The following MAP3K11 variants were observed in gnomAD, a reference collection of about 807,000 sequenced individuals.
The protein encoded by MAP3K11 is SH3 domain-containing proline-rich kinase.
MAP3K11 carries 46 observed loss-of-function variants against 84.9 expected under a neutral mutation model. That is an observed-to-expected ratio of 0.54 (90% CI 0.43 to 0.69). The LOEUF (loss-of-function observed/expected upper bound fraction) is 0.69, where lower values mean the gene tolerates loss of function less well. MAP3K11 is among the 30% of genes least tolerant of loss of function. The pLI, the probability that MAP3K11 is intolerant of heterozygous loss-of-function variation, is 0.00. For synonymous variants in MAP3K11, 527 were observed against 514.7 expected, an observed-to-expected ratio of 1.02 and a Z score of -0.32; for missense variants, 1,053 against 1,198.3, an observed-to-expected ratio of 0.88 and a Z score of 1.79.
chr11:65,607,505 C>T lies in MAP3K11; in HGVS notation c.1254G>A (p.Leu418=), dbSNP rs535233157. 3 of 1,572,228 alleles carry T rather than the reference C, an allele frequency of 1.9e-6. No individual in the cohort carries two copies. Among genetic ancestry groups the T allele is most frequent in the South Asian group, 2.3e-5 (2 of 87,232 alleles). The part of the protein sequence containing the change: ...DELRAKEKEL[L]SREEELTRAA... ...CTCGCGTCAGCTCCTCCTCGCGGCTCAGTAGTTCCTGCGCCCGAGACAGCG... is the reference window on the plus strand; with the variant it reads ...CTCGCGTCAGCTCCTCCTCGCGGCTTAGTAGTTCCTGCGCCCGAGACAGCG... The change falls in exon 5 of 10, where the codon CTG becomes CTA. Residue 418 remains leucine (L), a synonymous_variant. Coordinates refer to ENST00000309100, the MANE Select transcript of MAP3K11 (RefSeq NM_002419.4).
intron 6 of MAP3K11, 67 bp downstream of exon 6, chr11:65,606,624 G>A: frequency 8.0e-7 from 1 of 1,243,614 alleles, no homozygotes; most frequent in Non-Finnish European, 1.1e-6. Flanking sequence ...CCGCCTCCAA[G>A]AATAAGGTCT....
intron 8 of MAP3K11, among the ~76,000 whole-genome samples, chr11:65,602,363 A>C (rs930055325): frequency 6.6e-6 from 1 of 151,244 alleles, no homozygotes; most frequent in Non-Finnish European, 1.5e-5. Context: ...TACAAAAATT[A>C]GGCCGGGCAT....
intron 2 of MAP3K11, 68 bp downstream of exon 2, chr11:65,608,200 G>T: frequency 6.3e-7 from 1 of 1,591,306 alleles, no homozygotes; most frequent in Non-Finnish European, 8.6e-7. Flanking sequence ...CCCAGCCCTA[G>T]ATTTAGGCAG....
intron 8 of MAP3K11, among the ~76,000 whole-genome samples, chr11:65,605,035 A>C (rs1055402445): frequency 2.1e-4 from 32 of 152,288 alleles, no homozygotes; most frequent in African/African-American, 7.5e-4. Flanking sequence ...TTCTGAGCTC[A>C]CTACGAGAGC....
At chr11:65,606,180 G>A (rs1032227883) in intron 6 of MAP3K11, 99 bp from the exon 7 acceptor site, 38 of 1,364,168 alleles carry the variant, frequency 2.8e-5, no homozygotes, top group South Asian at 1.2e-4. Context: ...GGAGCAGGCT[G>A]GGCCCTGTAC....
intron 8 of MAP3K11, among the ~76,000 whole-genome samples, chr11:65,605,225 G>C (rs1006723047): frequency 6.6e-6 from 1 of 152,138 alleles, no homozygotes; most frequent in African/African-American, 2.4e-5. Context: ...GAACAGAAAG[G>C]CCCCGAGCTA....
Position 65,607,430 on chromosome 11 carries a change from G to T in MAP3K11, c.1329C>A (p.His443Gln). 6.7e-7 allele frequency: 1 copy of T among 1,502,446 alleles called. No individual in the cohort carries two copies. The highest frequency in any genetic ancestry group is 1.3e-5 in the South Asian group (1 of 77,278). The allele number at this position is 1,502,446 out of a possible 1,614,324, so 93.1% of individuals were successfully genotyped here. A position where few individuals can be genotyped will look rare whatever the true frequency, so the allele number is the denominator to read the frequency against. The change falls in exon 5 of 10, where the codon CAC becomes CAA. Residue 443 changes from histidine (H) to glutamine (Q), a missense_variant. Around this residue, in one of 3 missense-constraint regions of MAP3K11, gnomAD observed 310 missense variants for 464.5 expected, o/e 0.67. Transcript: ENST00000309100. ...SQAEQLRRRE[H>Q]LLAQWELEVF... ...CCTCTAGCTCCCACTGGGCCAGCAG[G>T]TGCTCGCGCCGCCGCAGCTGCTCCG... is the stretch of plus-strand genomic sequence containing the variant.
chr11:65,609,335 A>G lies in MAP3K11; in HGVS notation c.740-887T>C, dbSNP rs1854546540. Reference sequence around the variant, plus strand: ...AGCCACTCCCAAAGCAAAGACTCCAAAAGATACCTACCAATGCAGCTGGAA... The same window carrying G: ...AGCCACTCCCAAAGCAAAGACTCCAGAAGATACCTACCAATGCAGCTGGAA... On this transcript the variant is annotated intron_variant, in intron 1 of 9. Coordinates refer to ENST00000309100, the MANE Select transcript of MAP3K11 (RefSeq NM_002419.4). 4 of 152,248 alleles carry G rather than the reference A, an allele frequency of 2.6e-5. No individual in the cohort carries two copies. The South Asian group carries it at 8.3e-4, about 31-fold the overall frequency. The allele number at this position is 152,248 out of a possible 1,614,324, so 9.4% of individuals were successfully genotyped here.
Position 65,613,148 on chromosome 11 carries a change from T to G in MAP3K11, c.609A>C (p.Arg203=). The G allele has an allele frequency of 1.9e-6, 3 of 1,591,430 alleles. No individual in the cohort carries two copies. The highest frequency in any genetic ancestry group is 2.6e-6 in the Non-Finnish European group (3 of 1,168,552). The change falls in exon 1 of 10, where the codon CGA becomes CGC. Residue 203 remains arginine (R), a synonymous_variant. Coordinates refer to ENST00000309100, the MANE Select transcript of MAP3K11 (RefSeq NM_002419.4). Reference sequence around the variant, plus strand: ...GAGGCACGCGCCGCCCGGCCAGAGCTCGGCTGAGGGGCCCACCGGCTGCAT... The same window carrying G: ...GAGGCACGCGCCGCCCGGCCAGAGCGCGGCTGAGGGGCCCACCGGCTGCAT... ...MEYAAGGPLS[R]ALAGRRVPPH...
intron 8 of MAP3K11, 188 bp downstream of exon 8, chr11:65,605,573 C>G: frequency 1.9e-6 from 1 of 536,576 alleles, no homozygotes; most frequent in Non-Finnish European, 3.2e-6. Context: ...GCCGCTTGAT[C>G]GTGGGCCTGT....
Position 65,598,276 on chromosome 11 carries a change from A to G in MAP3K11, c.*15T>C. ...TCCTAAGGCAGCTGGAGCTCGGGGG[A>G]GTGGCCTGGCCCACTCAAGGCCCCG... is the stretch of plus-strand genomic sequence containing the variant. On this transcript the variant is annotated 3_prime_UTR_variant, in exon 10 of 10. Transcript: ENST00000309100. 1.4e-6 allele frequency: 2 copies of G among 1,433,808 alleles called. No individual in the cohort carries two copies. Among genetic ancestry groups the G allele is most frequent in the African/African-American group, 1.4e-5 (1 of 69,588 alleles). 88.8% of individuals were successfully genotyped at this position (1,433,808 alleles called of 1,614,324 possible). A position where few individuals can be genotyped will look rare whatever the true frequency, so the allele number is the denominator to read the frequency against.
chr11:65,610,941 C>G (rs770111161), intron 1 of MAP3K11: 1 of 152,454 alleles, frequency 6.6e-6, no homozygotes, highest in Non-Finnish European at 1.5e-5. Flanking sequence ...TGTCCCAACT[C>G]GAACTGCTGT....
Position 65,599,503 on chromosome 11 carries a change from C to T in MAP3K11, c.2097G>A (p.Ser699=), listed in dbSNP as rs151008395. ...TGGGCGGGGAGTCGGGCGTCTTGAGCGAGAAGCAGATGAGCGGGGAAGGGG... is the reference window on the plus strand; with the variant it reads ...TGGGCGGGGAGTCGGGCGTCTTGAGTGAGAAGCAGATGAGCGGGGAAGGGG... ...EPPPSPLICF[S]LKTPDSPPTP... Residue 699 remains serine (S), a synonymous_variant, in exon 9 of 10, where the codon TCG becomes TCA. Transcript: ENST00000309100. 1,496 of 1,494,554 alleles carry T rather than the reference C, an allele frequency of 1.0e-3. 13 individuals carry two copies. In the African/African-American group the frequency reaches 0.021, roughly 21 times the overall value. 92.6% of individuals were successfully genotyped at this position (1,494,554 alleles called of 1,614,324 possible). A position where few individuals can be genotyped will look rare whatever the true frequency, so the allele number is the denominator to read the frequency against.
intron 8 of MAP3K11, among the ~76,000 whole-genome samples, chr11:65,601,751 G>A (rs1178932924): frequency 1.9e-4 from 24 of 128,690 alleles, no homozygotes; most frequent in African/African-American, 2.5e-4. Flanking sequence ...GCGAGACTCC[G>A]TCTCAAAAAA....
chr11:65,601,571 A>G (rs1363985250), intron 8 of MAP3K11, among the ~76,000 whole-genome samples: 4 of 151,772 alleles, frequency 2.6e-5, no homozygotes, highest in Non-Finnish European at 2.9e-5. Context: ...CCTGGCTAAC[A>G]CGGTGAAACC....
In MAP3K11 at chr11:65,613,974, CG is replaced by C. The variant is rs1295821784; in HGVS notation, c.-219del. The C allele has an allele frequency of 9.5e-5, 57 of 599,266 alleles. No individual in the cohort carries two copies. The highest frequency in any genetic ancestry group is 3.6e-4 in the Middle Eastern group (1 of 2,782). The allele number at this position is 599,266 out of a possible 1,614,324, so 37.1% of individuals were successfully genotyped here. On this transcript the variant is annotated 5_prime_UTR_variant, in exon 1 of 10. An upstream open reading frame in the 5' UTR loses its in-frame stop. Coordinates refer to ENST00000309100, the MANE Select transcript of MAP3K11 (RefSeq NM_002419.4). ...GGCACCCAGGGCAGTGTGGTCAGGC[CG>C]GGGGGGTGGGGCCCCGGGGCCTCCG...
chr11:65,598,377 G>C lies in MAP3K11; in HGVS notation c.2458C>G (p.Pro820Ala). 1 of 1,555,904 alleles carries C rather than the reference G, an allele frequency of 6.4e-7. No homozygotes were observed. Among genetic ancestry groups the C allele is most frequent in the South Asian group, 1.2e-5 (1 of 82,032 alleles). The change falls in exon 10 of 10, where the codon CCC becomes GCC. Residue 820 changes from proline to alanine, a missense_variant. Transcript: ENST00000309100. ...DPFWDSPPANPFQGGPQDCRA... is the reference protein window; with the variant it reads ...DPFWDSPPANAFQGGPQDCRA... ...CAGTCCTGGGGGCCCCCCTGGAAGGGGTTGGCAGGTGGGGAGTCCCAGAAG... is the reference window on the plus strand; with the variant it reads ...CAGTCCTGGGGGCCCCCCTGGAAGGCGTTGGCAGGTGGGGAGTCCCAGAAG...
rs202041637 is a variant in MAP3K11, at chr11:65,599,783, G to A, written c.1832-15C>T. 4.8e-5 allele frequency: 76 copies of A among 1,591,228 alleles called. 1 individual carries two copies. In the African/African-American group the frequency reaches 5.7e-4, roughly 12 times the overall value. ...CGGGGGGTTACCTGCGGGCAGAGGC[G>A]GCACAGGTGAGGGTGTGGCTGGTGC... is the stretch of plus-strand genomic sequence containing the variant. On this transcript the variant is annotated splice_polypyrimidine_tract_variant and intron_variant, in intron 8 of 9. Transcript: ENST00000309100.
rs549870229 is a variant in MAP3K11, at chr11:65,614,113, G to A, written c.-357C>T. The A allele has an allele frequency of 3.5e-4, 83 of 237,646 alleles. No individual in the cohort carries two copies. The highest frequency in any genetic ancestry group is 1.2e-3 in the South Asian group (10 of 8,414). The allele number at this position is 237,646 out of a possible 1,614,324, so 14.7% of individuals were successfully genotyped here. ...GTAAGGTGGGGCCTTCAGGGGCAGC[G>A]CCTCAACTCCGGTTGGGTCTTTTTG... On this transcript the variant is annotated 5_prime_UTR_variant, in exon 1 of 10. Transcript: ENST00000309100.
Sources: gnomAD v4.1 joint callset for allele counts (sites outside exome capture counted in the v4.1 genomes callset) on GRCh38, gnomAD v4.1.1 for gene constraint, gnomAD v4.1.1 regional missense constraint, MANE v1.5 for transcripts, NCBI Gene and HGNC (gene_info 2026-07-23, HGNC 2026-07-21) for gene names.